Variants in CEACAM4 observed in about 807,000 individuals in gnomAD.
The protein encoded by CEACAM4 is CEA cell adhesion molecule 4, also known as cell adhesion molecule CEACAM4.
Under a neutral mutation model 28.7 loss-of-function variants are expected in CEACAM4, and 30 were observed. That is an observed-to-expected ratio of 1.05 (90% CI 0.78 to 1.42). The LOEUF (loss-of-function observed/expected upper bound fraction) is 1.42. Ranked by LOEUF, CEACAM4 falls within the 40% of genes most tolerant of loss-of-function variation. The probability of loss-of-function intolerance (pLI) is 0.00; values close to 1 mark genes in which losing one functional copy is unlikely to be tolerated. For synonymous variants in CEACAM4, 143 were observed against 126.5 expected (o/e 1.13, Z -0.87); for missense variants, 330 against 308.2 (o/e 1.07, Z -0.53).
At chr19:41,620,430 A>T (rs1207322116) in intron 4 of CEACAM4, 145 bp downstream of exon 4, 4 of 853,672 alleles carry the variant, frequency 4.7e-6, no homozygotes, top group Non-Finnish European at 5.4e-6. Context: ...TGAACAAGAC[A>T]GTCGGGGTCC....
downstream of CEACAM4, among the ~76,000 whole-genome samples, chr19:41,617,542 G>A (rs1050285053): frequency 6.6e-6 from 1 of 152,220 alleles, no homozygotes; most frequent in African/African-American, 2.4e-5. Context: ...ATGAGATGGG[G>A]AGGTTGTTGT....
downstream of CEACAM4, among the ~76,000 whole-genome samples, chr19:41,615,085 CGGAAGACAT>C (rs1398723493): frequency 6.6e-5 from 10 of 151,914 alleles, no homozygotes; most frequent in African/African-American, 2.4e-4. Context: ...CAGCTGAGGA[CGGAAGACAT>C]GGGGAGCAGT....
chr19:41,615,168 A>AT (rs1555798679), downstream of CEACAM4, among the ~76,000 whole-genome samples: 1 of 151,988 alleles, frequency 6.6e-6, no homozygotes, highest in Non-Finnish European at 1.5e-5. Context: ...GAGGTGTGTT[A>AT]TGTGTGTCTG....
chr19:41,621,111 C>CCT (rs1199160398), intron 3 of CEACAM4, among the ~76,000 whole-genome samples: 1 of 152,020 alleles, frequency 6.6e-6, no homozygotes, highest in Non-Finnish European at 1.5e-5. Flanking sequence ...ATGGCCTTGT[C>CCT]CTCTCTCTCT....
chr19:41,623,847 T>C (rs1486961529), intron 2 of CEACAM4, among the ~76,000 whole-genome samples: 1 of 152,062 alleles, frequency 6.6e-6, no homozygotes, highest in African/African-American at 2.4e-5. Context: ...ATAGGGGGGA[T>C]TATTATGGGA....
At chr19:41,620,650 A>G (rs1568648404) in intron 3 of CEACAM4, 23 bp from the exon 4 acceptor site, 1 of 1,606,302 alleles carries the variant, frequency 6.2e-7, no homozygotes, top group Non-Finnish European at 8.5e-7. Flanking sequence ...AGGATTATTC[A>G]TGAGGGTGCA....
downstream of CEACAM4, chr19:41,618,935 C>T (rs1281355546): frequency 2.5e-5 from 5 of 203,798 alleles, no homozygotes; most frequent in African/African-American, 1.2e-4. Context: ...GAGATATTTT[C>T]CCTGTGTGAC....
intron 1 of CEACAM4, among the ~76,000 whole-genome samples, chr19:41,626,472 G>A (rs374279709): frequency 1.8e-4 from 27 of 152,200 alleles, no homozygotes; most frequent in East Asian, 9.6e-4. Context: ...GGCACAGGCT[G>A]CAGACTCCTG....
At chr19:41,615,031 C>G (rs1218722259), downstream of CEACAM4, among the ~76,000 whole-genome samples, 1 of 151,924 alleles carries the variant, frequency 6.6e-6, no homozygotes, top group African/African-American at 2.4e-5. Flanking sequence ...AAGGTTGGAA[C>G]CTGCCTCTGG....
chr19:41,626,372 G>A (rs1308040497), intron 1 of CEACAM4, among the ~76,000 whole-genome samples: 1 of 152,086 alleles, frequency 6.6e-6, no homozygotes, highest in Non-Finnish European at 1.5e-5. Flanking sequence ...TCACATTCTA[G>A]ATCTCTTTAG....
chr19:41,616,448 C>G (rs1156507745), downstream of CEACAM4, among the ~76,000 whole-genome samples: 1 of 151,548 alleles, frequency 6.6e-6, no homozygotes, highest in Non-Finnish European at 1.5e-5. Flanking sequence ...GCAGTTTTGC[C>G]TAATAAAGCA....
At chr19:41,613,518 CAT>C in the CEACAM4 span, among the ~76,000 whole-genome samples, 7 of 146,558 alleles carry the variant, frequency 4.8e-5, no homozygotes, top group Non-Finnish European at 7.5e-5. Context: ...CACACACACA[CAT>C]ACACCCACAC....
chr19:41,616,448 C>T (rs1156507745), downstream of CEACAM4, among the ~76,000 whole-genome samples: 1 of 151,548 alleles, frequency 6.6e-6, no homozygotes, highest in Non-Finnish European at 1.5e-5. Flanking sequence ...GCAGTTTTGC[C>T]TAATAAAGCA....
Position 41,626,009 on chromosome 19 carries a change from A to ATTT in CEACAM4, c.65-50_65-49insAAA, listed in dbSNP as rs781950531. ...TCAATACTGGGACCTATGGAGTGGGATGGAAAGATAAGGCCCTGGGTCCTC... is the reference window on the plus strand; with the variant it reads ...TCAATACTGGGACCTATGGAGTGGGATTTTGGAAAGATAAGGCCCTGGGTCCTC... On this transcript the variant is annotated intron_variant, in intron 1 of 6. Coordinates refer to ENST00000221954, the MANE Select transcript of CEACAM4 (RefSeq NM_001817.4). 22 of 1,552,408 alleles carry ATTT rather than the reference A, an allele frequency of 1.4e-5. No homozygotes were observed. The Admixed American group carries it at 2.1e-4, about 15-fold the overall frequency.
In CEACAM4 at chr19:41,619,070, C is replaced by T. The variant is rs2071086835; in HGVS notation, c.*260G>A. ...TTTCCTGGTGACCCCGGGTGGGCCA[C>T]AGGCCCATTCACTTTCCTTGCAAGC... On this transcript the variant is annotated 3_prime_UTR_variant, in exon 7 of 7. Transcript: ENST00000221954. 7.8e-6 allele frequency: 4 copies of T among 512,044 alleles called. No homozygotes were observed. The highest frequency in any genetic ancestry group is 1.4e-5 in the Non-Finnish European group (4 of 291,114). 31.7% of individuals were successfully genotyped at this position (512,044 alleles called of 1,614,324 possible). A position where few individuals can be genotyped will look rare whatever the true frequency, so the allele number is the denominator to read the frequency against.
intron 2 of CEACAM4, among the ~76,000 whole-genome samples, chr19:41,623,103 G>A (rs2071408174): frequency 6.6e-6 from 1 of 152,108 alleles, no homozygotes; most frequent in Admixed American, 6.6e-5. Context: ...CGCAACCTCC[G>A]CTTCACAGGT....
chr19:41,620,164 A>G, intron 5 of CEACAM4, 47 bp downstream of exon 5: 3 of 1,473,222 alleles, frequency 2.0e-6, no homozygotes, highest in Non-Finnish European at 2.7e-6. Context: ...CTGAGCCTGC[A>G]CTGTTGGGAC....
chr19:41,618,015 C>T (rs542635908), downstream of CEACAM4, among the ~76,000 whole-genome samples: 1,258 of 152,316 alleles, frequency 8.3e-3, 21 homozygotes, highest in African/African-American at 0.029. Context: ...GTGGCAGTGG[C>T]AGAACACTCT....
chr19:41,622,455 G>A (rs544456513), intron 2 of CEACAM4, among the ~76,000 whole-genome samples: 3 of 152,206 alleles, frequency 2.0e-5, no homozygotes, highest in African/African-American at 4.8e-5. Flanking sequence ...GCTGATGAGC[G>A]GGGATGATGT....
Sources: allele counts gnomAD v4.1 joint callset (sites outside exome capture counted in the v4.1 genomes callset), GRCh38; gene constraint gnomAD v4.1.1; transcripts MANE v1.5; gene names NCBI Gene and HGNC (gene_info 2026-07-23, HGNC 2026-07-21).